The following ERC1 variants were observed in gnomAD, a reference collection of about 807,000 sequenced individuals.
ERC1 encodes the protein ELKS/RAB6-interacting/CAST family member 1.
Under a neutral mutation model 132.0 loss-of-function variants are expected in ERC1, and 56 were observed. The observed-to-expected ratio is 0.42, with a 90% CI of 0.34 to 0.53. The LOEUF is 0.53. ERC1 is among the 20% of genes least tolerant of loss of function. ERC1 has a pLI of 0.03. For synonymous variants in ERC1, 478 were observed against 476.1 expected (o/e 1.00, Z -0.05); for missense variants, 1,202 against 1,349.9 (o/e 0.89, Z 1.72).
chr12:1,319,706 A>G (rs73034925), intron 15 of ERC1, among the ~76,000 whole-genome samples: 3,763 of 152,272 alleles, frequency 0.025, 53 homozygotes, highest in Middle Eastern at 0.071. Context: ...TTTTGGTATC[A>G]TTATTGAAAC....
intron 17 of ERC1, among the ~76,000 whole-genome samples, chr12:1,420,273 A>T (rs1028294500): frequency 6.6e-6 from 1 of 152,182 alleles, no homozygotes; most frequent in East Asian, 1.9e-4. Flanking sequence ...TAATGAATTG[A>T]AGCACTTTTC....
intron 16 of ERC1, among the ~76,000 whole-genome samples, chr12:1,402,516 CTG>C (rs1491442752): frequency 1.3e-5 from 2 of 151,222 alleles, no homozygotes; most frequent in African/African-American, 2.4e-5. Flanking sequence ...GAGAGAGAGA[CTG>C]TCTCAAAAAA....
intron 15 of ERC1, among the ~76,000 whole-genome samples, chr12:1,317,810 C>T (rs1378505024): frequency 6.6e-6 from 1 of 152,136 alleles, no homozygotes; most frequent in Non-Finnish European, 1.5e-5. Context: ...TTCAAAGCAG[C>T]AAAACACTCT....
rs966750023 is a variant in ERC1 at position 1,189,841 on chromosome 12, A to G, written c.2158-18A>G. The G allele has an allele frequency of 6.3e-7, 1 of 1,579,108 alleles. No homozygotes were observed. Among genetic ancestry groups the G allele is most frequent in the African/African-American group, 1.4e-5 (1 of 73,546 alleles). ...CACCTGTGTGTATCTGATAGGATTG[A>G]AATGCTTTTCTTTGTAGGCACATGA... On this transcript the variant is annotated intron_variant, in intron 11 of 18. Coordinates refer to ENST00000360905, the MANE Select transcript of ERC1 (RefSeq NM_178040.4).
At chr12:1,061,444 A>G (rs1000658216) in intron 2 of ERC1, among the ~76,000 whole-genome samples, 1 of 151,892 alleles carries the variant, frequency 6.6e-6, no homozygotes, top group African/African-American at 2.4e-5. Context: ...ATAAAAAAAA[A>G]AAAAAAAAAG....
At chr12:1,182,150 A>G (rs1954549523) in intron 10 of ERC1, 85 bp downstream of exon 10, 1 of 1,305,858 alleles carries the variant, frequency 7.7e-7, no homozygotes, top group Admixed American at 2.4e-5. Flanking sequence ...GCATATAAAA[A>G]AGTATTCGAT....
intron 12 of ERC1, among the ~76,000 whole-genome samples, chr12:1,230,324 T>G (rs903438629): frequency 6.6e-6 from 1 of 152,200 alleles, no homozygotes; most frequent in African/African-American, 2.4e-5. Context: ...CCTTTTGATT[T>G]CTTCTTTGAC....
chr12:1,225,266 C>G (rs2074466758), intron 12 of ERC1, among the ~76,000 whole-genome samples: 1 of 151,896 alleles, frequency 6.6e-6, no homozygotes, highest in Non-Finnish European at 1.5e-5. Context: ...CAAGACCAGC[C>G]TGGGCAACAT....
intron 15 of ERC1, among the ~76,000 whole-genome samples, chr12:1,369,667 G>T (rs1201981014): frequency 1.3e-5 from 2 of 152,158 alleles, no homozygotes; most frequent in Non-Finnish European, 2.9e-5. Context: ...TCACCTTTAA[G>T]CTCATTTCAC....
intron 16 of ERC1, among the ~76,000 whole-genome samples, chr12:1,378,388 G>A (rs10773942): frequency 0.4 from 61,418 of 151,728 alleles, 13,624 homozygotes; most frequent in African/African-American, 0.59. Flanking sequence ...TTGTGAAGAC[G>A]TACTAATAAT....
At chr12:1,297,263 G>C (rs968077392) in intron 15 of ERC1, among the ~76,000 whole-genome samples, 4 of 150,888 alleles carry the variant, frequency 2.7e-5, no homozygotes, top group Non-Finnish European at 2.9e-5. Context: ...TAAAAACTAG[G>C]ATTAAATAAA....
intron 13 of ERC1, among the ~76,000 whole-genome samples, chr12:1,257,517 G>A (rs562984995): frequency 1.3e-5 from 2 of 152,212 alleles, no homozygotes; most frequent in African/African-American, 4.8e-5. Context: ...GGTTTTCTCT[G>A]TTAGAGTAAT....
chr12:1,199,093 A>C (rs113416657), intron 12 of ERC1, among the ~76,000 whole-genome samples: 4,779 of 82,444 alleles, frequency 0.058, 9 homozygotes, highest in African/African-American at 0.12. Context: ...ACCAGGCCCC[A>C]CCTCCAACAC....
intron 18 of ERC1, among the ~76,000 whole-genome samples, chr12:1,481,337 C>T (rs189290122): frequency 4.6e-5 from 7 of 152,350 alleles, no homozygotes; most frequent in East Asian, 3.9e-4. Flanking sequence ...TTCTTCACAT[C>T]GCCTCTCTTT....
intron 15 of ERC1, among the ~76,000 whole-genome samples, chr12:1,340,400 C>A (rs1232494931): frequency 1.3e-5 from 2 of 152,148 alleles, no homozygotes; most frequent in Non-Finnish European, 2.9e-5. Flanking sequence ...CACACCAAAC[C>A]CTCTGGGTTC....
At chr12:1,424,868 A>AGATC (rs1455488193) in intron 17 of ERC1, among the ~76,000 whole-genome samples, 21 of 104,342 alleles carry the variant, frequency 2.0e-4, no homozygotes, top group Admixed American at 1.4e-3. Context: ...ATAGATCGAT[A>AGATC]GATAGATAGA....
In ERC1 at chr12:1,311,724, G is replaced by T. The variant is rs572798521; in HGVS notation, c.2780+21712G>T. On this transcript the variant is annotated intron_variant, in intron 15 of 18. Transcript: ENST00000360905. ...TAAAATGTGCAAGCACTATTCTATTGATTCCTCAAAAAGATGCAATTGCTT... is the reference window on the plus strand; with the variant it reads ...TAAAATGTGCAAGCACTATTCTATTTATTCCTCAAAAAGATGCAATTGCTT... 5.3e-5 allele frequency among the ~76,000 whole-genome samples: 8 copies of T among 152,238 alleles called. No homozygotes were observed. In the South Asian group the frequency reaches 1.2e-3, roughly 24 times the overall value.
At chr12:1,120,218 T>G (rs1946924602) in intron 7 of ERC1, among the ~76,000 whole-genome samples, 1 of 152,124 alleles carries the variant, frequency 6.6e-6, no homozygotes, top group Non-Finnish European at 1.5e-5. Context: ...GTTCTTGAAC[T>G]CCTGGCTTCA....
chr12:1,379,221 T>G (rs1399699275), intron 16 of ERC1, among the ~76,000 whole-genome samples: 5 of 152,210 alleles, frequency 3.3e-5, no homozygotes, highest in Admixed American at 6.5e-5. Context: ...GGCCCCCACC[T>G]TCAGCACTTT....
Sources: gnomAD v4.1 joint callset for allele counts (sites outside exome capture counted in the v4.1 genomes callset) on GRCh38, gnomAD v4.1.1 for gene constraint, MANE v1.5 for transcripts, NCBI Gene and HGNC (gene_info 2026-07-23, HGNC 2026-07-21) for gene names.